The following DRG1 variants were observed in gnomAD, a reference collection of about 807,000 sequenced individuals.
The protein encoded by DRG1 is developmentally-regulated GTP-binding protein 1.
Under a neutral mutation model 38.8 loss-of-function variants are expected in DRG1, and 19 were observed. That is an observed-to-expected ratio of 0.49 (90% confidence interval 0.34 to 0.72). The LOEUF is 0.72. Among genes scored for constraint, DRG1 ranks in the 30% least tolerant of loss-of-function variants. DRG1 has a pLI of 0.01. For missense variants in DRG1, 299 were observed against 444.8 expected, an observed-to-expected ratio of 0.67 and a Z score of 2.95; for synonymous variants, 167 against 157.5, an observed-to-expected ratio of 1.06 and a Z score of -0.45.
At chr22:31,430,315 A>G (rs1489459386) in intron 8 of DRG1, among the ~76,000 whole-genome samples, 1 of 151,862 alleles carries the variant, frequency 6.6e-6, no homozygotes, top group African/African-American at 2.4e-5. Flanking sequence ...CTTCCTCACT[A>G]TCCATCATTT....
chr22:31,408,752 C>CA (rs66474618), intron 3 of DRG1, among the ~76,000 whole-genome samples: 29,881 of 109,936 alleles, frequency 0.27, 4,422 homozygotes, highest in East Asian at 0.5. Context: ...GACTCATTCT[C>CA]AAAAAAAAAA....
Position 31,434,025 on chromosome 22 carries a change from C to T in DRG1, c.*54C>T, listed in dbSNP as rs758911921. The T allele has an allele frequency of 6.7e-4, 1,026 of 1,530,174 alleles. 1 individual carries two copies. Among genetic ancestry groups the T allele is most frequent in the Non-Finnish European group, 8.1e-4 (898 of 1,109,580 alleles). 94.8% of individuals were successfully genotyped at this position (1,530,174 alleles called of 1,614,324 possible). ...GAACCACAACAGCGTTCCCCATGAT[C>T]AAGCACCCTACCCCAGTTCTTTCTG... On this transcript the variant is annotated 3_prime_UTR_variant, in exon 9 of 9. Transcript: ENST00000331457.
chr22:31,432,711 C>T (rs1828619480), intron 8 of DRG1, among the ~76,000 whole-genome samples: 1 of 151,954 alleles, frequency 6.6e-6, no homozygotes, highest in Non-Finnish European at 1.5e-5. Context: ...AGGTGTGAGC[C>T]ACCACGCCTG....
intron 3 of DRG1, among the ~76,000 whole-genome samples, chr22:31,406,006 C>CTT (rs993821605): frequency 1.9e-4 from 24 of 129,434 alleles, no homozygotes; most frequent in Non-Finnish European, 2.0e-4. Flanking sequence ...TTTCTTTTTT[C>CTT]TTTTTTTTTT....
intron 8 of DRG1, among the ~76,000 whole-genome samples, chr22:31,432,893 A>G (rs1170506011): frequency 1.3e-5 from 2 of 151,998 alleles, no homozygotes; most frequent in East Asian, 1.9e-4. Flanking sequence ...TTTTGACTCA[A>G]TGATAATATA....
rs1280772041 is a variant in DRG1, at chr22:31,426,634, T to G, written c.733T>G (p.Tyr245Asp). 6.2e-7 allele frequency: 1 copy of G among 1,613,544 alleles called. No individual in the cohort carries two copies. The highest frequency in any genetic ancestry group is 1.7e-5 in the Admixed American group (1 of 59,864). The change falls in exon 7 of 9, where the codon TAT becomes GAT. Residue 245 changes from tyrosine to aspartate, a missense_variant. By Grantham distance (160) the Tyr-to-Asp change is radical. This residue lies in a region of DRG1 where 198 missense variants were observed against 268.1 expected (regional missense o/e 0.74). Coordinates refer to ENST00000331457, the MANE Select transcript of DRG1 (RefSeq NM_004147.4). ...EGNRVYIPCI[Y>D]VLNKIDQISI... ...CTGTAGAGTTTATATCCCCTGTATC[T>G]ATGTGTTAAATAAGATTGACCAAAT...
At chr22:31,404,479 A>T (rs2049979173) in intron 3 of DRG1, among the ~76,000 whole-genome samples, 1 of 151,434 alleles carries the variant, frequency 6.6e-6, no homozygotes, top group Non-Finnish European at 1.5e-5. Context: ...TGACCTCATG[A>T]TCCTCCTGCC....
intron 3 of DRG1, among the ~76,000 whole-genome samples, chr22:31,409,651 T>C (rs1023416215): frequency 2.4e-4 from 37 of 152,074 alleles, no homozygotes; most frequent in African/African-American, 8.2e-4. Flanking sequence ...TGTAAGGAAT[T>C]TATATGGAGG....
chr22:31,420,376 A>C lies in DRG1; in HGVS notation c.533A>C (p.Asn178Thr), dbSNP rs1314463303. Reference sequence around the variant, plus strand: ...ATTCGCTTGAACAGCAAACCCCCCAACATTGGCTTTAAGAAGAAGGACAAG... The same window carrying C: ...ATTCGCTTGAACAGCAAACCCCCCACCATTGGCTTTAAGAAGAAGGACAAG... ...FGIRLNSKPP[N>T]IGFKKKDKGG... The change falls in exon 5 of 9, where the codon AAC becomes ACC. Residue 178 changes from asparagine to threonine, a missense_variant. This residue lies in a region of DRG1 where 198 missense variants were observed against 268.1 expected (regional missense o/e 0.74). Coordinates refer to ENST00000331457, the MANE Select transcript of DRG1 (RefSeq NM_004147.4). 1.9e-6 allele frequency: 3 copies of C among 1,614,048 alleles called. No individual in the cohort carries two copies. The highest frequency in any genetic ancestry group is 2.5e-6 in the Non-Finnish European group (3 of 1,180,052).
Position 31,427,177 on chromosome 22 carries a change from T to C in DRG1, c.999T>C (p.Phe333=). 6.2e-7 allele frequency: 1 copy of C among 1,614,024 alleles called. No individual in the cohort carries two copies. Among genetic ancestry groups the C allele is most frequent in the Admixed American group, 1.7e-5 (1 of 60,010 alleles). ...MKIHKNLIKE[F]KYALVWGLSV... is the part of the protein sequence containing the mutation. ...TTCACAAAAATCTTATCAAAGAATT[T>C]AAATAGTAAGTATCATGGGCCTGTG... is the stretch of plus-strand genomic sequence containing the variant. Residue 333 remains phenylalanine (F), a synonymous_variant, in exon 8 of 9, where the codon TTT becomes TTC. Transcript: ENST00000331457.
chr22:31,421,087 CTT>C (rs2050074188), intron 5 of DRG1, among the ~76,000 whole-genome samples: 1 of 151,810 alleles, frequency 6.6e-6, no homozygotes, highest in African/African-American at 2.4e-5. Context: ...ACCCAGCTAA[CTT>C]TTGTATTTTT....
intron 8 of DRG1, 78 bp downstream of exon 8, chr22:31,427,260 A>G (rs1023841071): frequency 6.5e-7 from 1 of 1,528,090 alleles, no homozygotes; most frequent in African/African-American, 1.4e-5. Flanking sequence ...TTAGGATAGC[A>G]TTTTAAAAAA....
chr22:31,418,949 G>A (rs998652308), intron 4 of DRG1, among the ~76,000 whole-genome samples: 5 of 152,100 alleles, frequency 3.3e-5, no homozygotes, highest in Admixed American at 3.3e-4. Context: ...CCGAACTGCT[G>A]GGATTACAGG....
At chr22:31,399,768 C>T (rs746965969) in intron 1 of DRG1, 43 bp downstream of exon 1, 3 of 1,613,672 alleles carry the variant, frequency 1.9e-6, no homozygotes, top group Non-Finnish European at 2.5e-6. Flanking sequence ...CTGAGCATTC[C>T]TTCTTTGGTG....
intron 4 of DRG1, among the ~76,000 whole-genome samples, chr22:31,412,456 T>G (rs1215720061): frequency 1.4e-5 from 2 of 147,608 alleles, no homozygotes; most frequent in African/African-American, 5.0e-5. Flanking sequence ...GCTCATGCCA[T>G]TCTCCTGCCT....
intron 1 of DRG1, 39 bp from the exon 2 acceptor site, chr22:31,400,581 C>T (rs1434014263): frequency 1.2e-6 from 2 of 1,601,946 alleles, no homozygotes; most frequent in South Asian, 1.1e-5. Flanking sequence ...GGGAAGCGTT[C>T]ACTGCTTCTA....
intron 3 of DRG1, 69 bp from the exon 4 acceptor site, chr22:31,410,941 TTC>T (rs1482100956): frequency 3.4e-6 from 5 of 1,490,132 alleles, no homozygotes; most frequent in South Asian, 2.3e-5. Flanking sequence ...AATAAATTAA[TTC>T]TGTTTGATAT....
In DRG1 at chr22:31,434,041, G is replaced by C; in HGVS notation, c.*70G>C. On this transcript the variant is annotated 3_prime_UTR_variant, in exon 9 of 9. Coordinates refer to ENST00000331457, the MANE Select transcript of DRG1 (RefSeq NM_004147.4). ...CCCCATGATCAAGCACCCTACCCCA[G>C]TTCTTTCTGGTTTTGGCAGTCACTG... is the stretch of plus-strand genomic sequence containing the variant. The C allele has an allele frequency of 4.8e-6, 7 of 1,445,844 alleles. 1 individual carries two copies. The South Asian group carries it at 8.5e-5, about 17-fold the overall frequency. The allele number at this position is 1,445,844 out of a possible 1,614,324, so 89.6% of individuals were successfully genotyped here. A position where few individuals can be genotyped will look rare whatever the true frequency, so the allele number is the denominator to read the frequency against.
chr22:31,411,159 C>T lies in DRG1; in HGVS notation c.412+78C>T. ...ATTCTTTTAGTCAGGGACTACTTGG[C>T]TTGGAGATTATACCACAGTGAAGGG... On this transcript the variant is annotated intron_variant, in intron 4 of 8. Transcript: ENST00000331457. 6.0e-6 allele frequency: 9 copies of T among 1,502,414 alleles called. 1 individual carries two copies. The South Asian group carries it at 1.0e-4, about 17-fold the overall frequency. 93.1% of individuals were successfully genotyped at this position (1,502,414 alleles called of 1,614,324 possible).
Sources: gnomAD v4.1 joint callset for allele counts (sites outside exome capture counted in the v4.1 genomes callset) on GRCh38, gnomAD v4.1.1 for gene constraint, gnomAD v4.1.1 regional missense constraint, MANE v1.5 for transcripts, NCBI Gene and HGNC (gene_info 2026-07-23, HGNC 2026-07-21) for gene names.